The following RDH11 variants were observed in gnomAD, a reference collection of about 807,000 sequenced individuals.
The protein encoded by RDH11 is retinol dehydrogenase 11.
A neutral mutation model predicts 33.4 loss-of-function variants in RDH11; 19 were observed. That is an observed-to-expected ratio of 0.57 (90% CI 0.40 to 0.83). The LOEUF is 0.83. Ranked by LOEUF, RDH11 falls within the 40% of genes least tolerant of loss-of-function variation. RDH11 has a pLI of 0.00. For synonymous variants in RDH11, 154 were observed against 155.3 expected, an observed-to-expected ratio of 0.99 and a Z score of 0.06; for missense variants, 353 against 389.0, an observed-to-expected ratio of 0.91 and a Z score of 0.78.
chr14:67,678,097 C>G lies in RDH11; in HGVS notation c.*224G>C. ...GTCTTCTTATCCTATTATGATATCT[C>G]TAGTAACTCTGGCAGTAACAGAAGC... On this transcript the variant is annotated 3_prime_UTR_variant, in exon 7 of 7. Transcript: ENST00000381346. 2.1e-6 allele frequency: 1 copy of G among 474,794 alleles called. No homozygotes were observed. Among genetic ancestry groups the G allele is most frequent in the Non-Finnish European group, 3.8e-6 (1 of 259,946 alleles). 29.4% of individuals were successfully genotyped at this position (474,794 alleles called of 1,614,324 possible).
intron 5 of RDH11, among the ~76,000 whole-genome samples, chr14:67,688,269 A>G (rs1184158286): frequency 6.6e-6 from 1 of 152,206 alleles, no homozygotes; most frequent in East Asian, 1.9e-4. Flanking sequence ...TTATAATTAA[A>G]CAGCCACAAC....
chr14:67,690,192 T>A lies in RDH11; in HGVS notation c.664+20A>T, dbSNP rs753465132. ...CCTCTCTCTGACTCATGTCTCCACA[T>A]TCATTTCCTCTAGGCCCACCTTTTA... On this transcript the variant is annotated intron_variant, in intron 5 of 6. Coordinates refer to ENST00000381346, the MANE Select transcript of RDH11 (RefSeq NM_016026.4). 2.5e-6 allele frequency: 4 copies of A among 1,606,140 alleles called. No individual in the cohort carries two copies. Among genetic ancestry groups the A allele is most frequent in the Non-Finnish European group, 3.4e-6 (4 of 1,174,428 alleles).
At chr14:67,694,605 G>C (rs1331963077) in intron 1 of RDH11, among the ~76,000 whole-genome samples, 9 of 151,492 alleles carry the variant, frequency 5.9e-5, no homozygotes, top group African/African-American at 1.5e-4. Context: ...ATGTGGATAA[G>C]AGGATCTTGT....
At chr14:67,678,765 T>C (rs1386663278) in intron 6 of RDH11, among the ~76,000 whole-genome samples, 1 of 152,144 alleles carries the variant, frequency 6.6e-6, no homozygotes, top group African/African-American at 2.4e-5. Flanking sequence ...ATAAGGCCCA[T>C]TCTACAGAGC....
At chr14:67,684,726 A>G (rs563890210) in intron 6 of RDH11, 2 of 224,224 alleles carry the variant, frequency 8.9e-6, no homozygotes, top group African/African-American at 4.5e-5. Flanking sequence ...AATGTAAAAC[A>G]ATAGAATTAG....
chr14:67,681,593 C>T (rs1367215579), intron 6 of RDH11, among the ~76,000 whole-genome samples: 7 of 152,078 alleles, frequency 4.6e-5, no homozygotes, highest in Non-Finnish European at 2.9e-5. Context: ...ACCAGCCTGA[C>T]CTACGTGGCA....
chr14:67,684,135 A>C (rs1341993461), intron 6 of RDH11, among the ~76,000 whole-genome samples: 1 of 151,732 alleles, frequency 6.6e-6, no homozygotes, highest in African/African-American at 2.4e-5. Context: ...GCTAAAGCAC[A>C]GACCAGATTT....
At chr14:67,692,891 A>T (rs759984192) in intron 2 of RDH11, 43 bp downstream of exon 2, 1 of 1,306,842 alleles carries the variant, frequency 7.7e-7, no homozygotes, top group Admixed American at 1.8e-5. Flanking sequence ...TGTGAGGGGT[A>T]AAACAGCAGT....
In RDH11 at chr14:67,678,232, G is replaced by C; in HGVS notation, c.*89C>G. 1 of 907,986 alleles carries C rather than the reference G, an allele frequency of 1.1e-6. No homozygotes were observed. The highest frequency in any genetic ancestry group is 1.8e-6 in the Non-Finnish European group (1 of 557,276). 56.2% of individuals were successfully genotyped at this position (907,986 alleles called of 1,614,324 possible). On this transcript the variant is annotated 3_prime_UTR_variant, in exon 7 of 7. Coordinates refer to ENST00000381346, the MANE Select transcript of RDH11 (RefSeq NM_016026.4). ...AGGTTTTGCTCTCTTTGTGCTAAAGGTTTTGAAAACCTTGAAGGAGAATCA... is the reference window on the plus strand; with the variant it reads ...AGGTTTTGCTCTCTTTGTGCTAAAGCTTTTGAAAACCTTGAAGGAGAATCA...
chr14:67,689,668 G>T (rs1375424886), intron 5 of RDH11, among the ~76,000 whole-genome samples: 2 of 152,168 alleles, frequency 1.3e-5, no homozygotes, highest in African/African-American at 2.4e-5. Context: ...TAATGGCCAG[G>T]TGCGGTGGCT....
chr14:67,686,633 C>T (rs1349322232), intron 5 of RDH11, among the ~76,000 whole-genome samples: 8 of 78,226 alleles, frequency 1.0e-4, no homozygotes, highest in South Asian at 1.1e-3. Context: ...AGTGAGACAC[C>T]GGTGCAAAAA....
chr14:67,681,088 G>A (rs1291216320), intron 6 of RDH11, among the ~76,000 whole-genome samples: 1 of 152,186 alleles, frequency 6.6e-6, no homozygotes, highest in Non-Finnish European at 1.5e-5. Context: ...CTTTAAGGAG[G>A]TAACTAAGGT....
chr14:67,680,555 C>G (rs926137050), intron 6 of RDH11, among the ~76,000 whole-genome samples: 4 of 152,168 alleles, frequency 2.6e-5, no homozygotes, highest in Admixed American at 6.5e-5. Flanking sequence ...CCTCCCCAGG[C>G]TCAGGTGATC....
chr14:67,688,295 C>T (rs1000466972), intron 5 of RDH11, among the ~76,000 whole-genome samples: 2 of 152,058 alleles, frequency 1.3e-5, no homozygotes, highest in African/African-American at 4.8e-5. Context: ...GGAAACAATC[C>T]AGATGTTGTT....
In RDH11 at chr14:67,695,692, G is replaced by C. The variant is rs374300016; in HGVS notation, c.12C>G (p.Leu4=). The C allele has an allele frequency of 6.2e-7, 1 of 1,614,180 alleles. No individual in the cohort carries two copies. Among genetic ancestry groups the C allele is most frequent in the Admixed American group, 1.7e-5 (1 of 60,032 alleles). MVE[L]MFPLLLLLLP... ...GAAGGAGGAGCAACAGCGGGAACAT[G>C]AGCTCAACCATCTCTGCCGGCTGCA... The change falls in exon 1 of 7, where the codon CTC becomes CTG. Residue 4 remains leucine, a synonymous_variant. Transcript: ENST00000381346.
At position 67,680,912 on chromosome 14, in the gene RDH11, A is replaced by G. The variant is rs377023274; in HGVS notation, c.855-2489T>C. Among the ~76,000 whole-genome samples, 46 of 152,370 alleles carry G rather than the reference A, an allele frequency of 3.0e-4. 1 individual carries two copies. Among genetic ancestry groups the G allele is most frequent in the African/African-American group, 1.1e-3 (45 of 41,586 alleles). ...GTAATCAAGATAGTGTGATACTGGCATAAGGACAGACATACAAATGAACGG... is the reference window on the plus strand; with the variant it reads ...GTAATCAAGATAGTGTGATACTGGCGTAAGGACAGACATACAAATGAACGG... On this transcript the variant is annotated intron_variant, in intron 6 of 6. Transcript: ENST00000381346.
chr14:67,681,445 A>G (rs1379423876), intron 6 of RDH11, among the ~76,000 whole-genome samples: 1 of 152,236 alleles, frequency 6.6e-6, no homozygotes, highest in East Asian at 1.9e-4. Flanking sequence ...GGATATCCAC[A>G]TGCAAAAGAA....
chr14:67,678,733 T>C (rs1413232762), intron 6 of RDH11, among the ~76,000 whole-genome samples: 1 of 152,172 alleles, frequency 6.6e-6, no homozygotes, highest in Non-Finnish European at 1.5e-5. Flanking sequence ...CCCATGTATA[T>C]CCATCTTCTT....
chr14:67,684,781 C>A, intron 6 of RDH11: 1 of 348,514 alleles, frequency 2.9e-6, no homozygotes, highest in South Asian at 1.0e-4. Context: ...ATAACAAAGA[C>A]AGGAAGAAAA....
Sources: gnomAD v4.1 joint callset for allele counts (sites outside exome capture counted in the v4.1 genomes callset) on GRCh38, gnomAD v4.1.1 for gene constraint, MANE v1.5 for transcripts, NCBI Gene and HGNC (gene_info 2026-07-23, HGNC 2026-07-21) for gene names.